Variants in RBBP8 observed in about 807,000 individuals in gnomAD.
RBBP8 encodes RB binding protein 8, endonuclease.
RBBP8 carries 88 observed loss-of-function variants against 108.3 expected under a neutral mutation model. That is an observed-to-expected ratio of 0.81 (90% confidence interval 0.68 to 0.97). RBBP8 has a LOEUF of 0.97. RBBP8 is among the 50% of genes least tolerant of loss of function. RBBP8 has a pLI of 0.00. For missense variants in RBBP8, 1,023 were observed against 1,049.0 expected (o/e 0.98, Z 0.34); for synonymous variants, 332 against 348.2 (o/e 0.95, Z 0.52).
chr18:22,981,052 A>G (rs1263494940), intron 6 of RBBP8, among the ~76,000 whole-genome samples: 1 of 64,154 alleles, frequency 1.6e-5, no homozygotes, highest in Non-Finnish European at 3.8e-5. Flanking sequence ...AGCTCACTGC[A>G]AGCTCCGACT....
intron 16 of RBBP8, among the ~76,000 whole-genome samples, chr18:23,009,755 A>G (rs1382859273): frequency 6.6e-6 from 1 of 152,096 alleles, no homozygotes. Context: ...AGAATATTAT[A>G]TATACTTTGC....
At chr18:23,006,281 G>A in intron 15 of RBBP8, 82 bp from the exon 16 acceptor site, 1 of 1,215,500 alleles carries the variant, frequency 8.2e-7, no homozygotes, top group Non-Finnish European at 1.2e-6. Context: ...AAGTTTGAGT[G>A]CGTGTCATTT....
At chr18:22,939,869 G>A (rs564458844) in intron 2 of RBBP8, among the ~76,000 whole-genome samples, 1 of 152,308 alleles carries the variant, frequency 6.6e-6, no homozygotes, top group South Asian at 2.1e-4. Flanking sequence ...GTTTATGTCA[G>A]ACCAGGCTTG....
At chr18:22,952,263 G>GA (rs1364445391) in intron 4 of RBBP8, among the ~76,000 whole-genome samples, 4 of 152,326 alleles carry the variant, frequency 2.6e-5, no homozygotes, top group South Asian at 2.1e-4. Flanking sequence ...GAAATGTCAA[G>GA]TAGATAGATG....
rs572655554 is a variant in RBBP8, at chr18:22,942,890, A to T, written c.110-3554A>T. Among the ~76,000 whole-genome samples, 55 of 152,216 alleles carry T rather than the reference A, an allele frequency of 3.6e-4. 1 individual carries two copies. The highest frequency in any genetic ancestry group is 8.3e-4 in the South Asian group (4 of 4,834). On this transcript the variant is annotated intron_variant, in intron 2 of 18. Transcript: ENST00000327155. ...TCTTTTGCCTATGCCAGCGTCTGCTATTAACATCTAGCTAATATATTTTCT... is the reference window on the plus strand; with the variant it reads ...TCTTTTGCCTATGCCAGCGTCTGCTTTTAACATCTAGCTAATATATTTTCT...
upstream of RBBP8, chr18:22,929,424 G>A (rs997590535): frequency 2.0e-5 from 3 of 152,786 alleles, no homozygotes; most frequent in African/African-American, 7.3e-5. Context: ...GCTTGAACCA[G>A]GGTGGACACA....
chr18:22,940,355 C>T (rs1439869934), intron 2 of RBBP8, among the ~76,000 whole-genome samples: 1 of 141,096 alleles, frequency 7.1e-6, no homozygotes, highest in African/African-American at 2.7e-5. Context: ...GAGTCTTGCT[C>T]TGTAGCCCAG....
intron 3 of RBBP8, among the ~76,000 whole-genome samples, chr18:22,928,026 T>A (rs1334378446): frequency 1.3e-5 from 2 of 151,770 alleles, no homozygotes; most frequent in African/African-American, 4.8e-5. Flanking sequence ...CTGGCCAACA[T>A]GGCAAAACTC....
chr18:22,976,602 A>G (rs1914514796), intron 6 of RBBP8, among the ~76,000 whole-genome samples: 1 of 152,102 alleles, frequency 6.6e-6, no homozygotes, highest in Non-Finnish European at 1.5e-5. Context: ...GTAATTATGT[A>G]TATATGTTCT....
At chr18:22,934,258 C>T (rs756930938) in intron 1 of RBBP8, 1 of 152,258 alleles carries the variant, frequency 6.6e-6, no homozygotes, top group Non-Finnish European at 1.5e-5. Context: ...AAGTGCCGGG[C>T]ATGCGGGTAG....
intron 6 of RBBP8, among the ~76,000 whole-genome samples, chr18:22,978,964 T>A (rs1481885599): frequency 6.6e-6 from 1 of 152,174 alleles, no homozygotes; most frequent in Non-Finnish European, 1.5e-5. Flanking sequence ...CAATTATTAT[T>A]TGTCAATTAA....
At chr18:22,923,445 T>C (rs1002927558) in intron 3 of RBBP8, among the ~76,000 whole-genome samples, 1 of 152,244 alleles carries the variant, frequency 6.6e-6, no homozygotes, top group Non-Finnish European at 1.5e-5. Context: ...TCTGCCATTC[T>C]TCTCCCAATA....
At chr18:22,954,777 G>A (rs964422052) in intron 4 of RBBP8, among the ~76,000 whole-genome samples, 3 of 152,254 alleles carry the variant, frequency 2.0e-5, no homozygotes, top group South Asian at 4.1e-4. Flanking sequence ...TACAATCATG[G>A]CGAAGGGGGA....
chr18:22,929,764 T>G (rs910878478), upstream of RBBP8, among the ~76,000 whole-genome samples: 11 of 152,144 alleles, frequency 7.2e-5, no homozygotes, highest in African/African-American at 2.4e-4. Flanking sequence ...AAGATCACAC[T>G]TGTGGAGCTC....
chr18:22,963,990 A>G (rs1375023712), intron 4 of RBBP8, among the ~76,000 whole-genome samples: 1 of 152,228 alleles, frequency 6.6e-6, no homozygotes, highest in African/African-American at 2.4e-5. Context: ...TTGTTGAAAT[A>G]ATAGTTGGAG....
At chr18:23,019,701 C>T (rs2046316461) in intron 17 of RBBP8, among the ~76,000 whole-genome samples, 1 of 151,998 alleles carries the variant, frequency 6.6e-6, no homozygotes, top group Non-Finnish European at 1.5e-5. Context: ...AAAATATATC[C>T]CATATCCATC....
rs773894630 is a variant in RBBP8, at chr18:22,949,696, T to C, written c.231T>C (p.Ile77=). ...REQQKVLHET[I]KVLEDRLRAG... ...AGCAGAAAGTCCTTCATGAAACCAT[T>C]AAAGTTTTAGAAGATCGGTGAGTCT... The change falls in exon 4 of 19, where the codon ATT becomes ATC. Residue 77 remains isoleucine (I), a synonymous_variant. Coordinates refer to ENST00000327155, the MANE Select transcript of RBBP8 (RefSeq NM_002894.3). 1 of 1,612,056 alleles carries C rather than the reference T, an allele frequency of 6.2e-7. No homozygotes were observed. The highest frequency in any genetic ancestry group is 8.5e-7 in the Non-Finnish European group (1 of 1,178,284).
chr18:22,979,430 T>G (rs933385107), intron 6 of RBBP8, among the ~76,000 whole-genome samples: 3 of 152,178 alleles, frequency 2.0e-5, no homozygotes, highest in African/African-American at 7.2e-5. Flanking sequence ...TTGGTATCAT[T>G]CAGGAAATTA....
In RBBP8 at chr18:22,989,216, C is replaced by T; in HGVS notation, c.710-5C>T. 1.3e-6 allele frequency: 2 copies of T among 1,588,940 alleles called. No individual in the cohort carries two copies. Among genetic ancestry groups the T allele is most frequent in the South Asian group, 2.2e-5 (2 of 90,298 alleles). On this transcript the variant is annotated splice_region_variant and splice_polypyrimidine_tract_variant and intron_variant, in intron 8 of 18. Coordinates refer to ENST00000327155, the MANE Select transcript of RBBP8 (RefSeq NM_002894.3). ...TTATTAAAATGGTTTATTATTTATT[C>T]TTAGAAGCACATGGAACAAGCAGCT...
Sources: allele counts gnomAD v4.1 joint callset (sites outside exome capture counted in the v4.1 genomes callset), GRCh38; gene constraint gnomAD v4.1.1; transcripts MANE v1.5; gene names NCBI Gene and HGNC (gene_info 2026-07-23, HGNC 2026-07-21).